GALNTL6: variants seen among roughly 807,000 people sequenced by gnomAD.
GALNTL6 encodes polypeptide N-acetylgalactosaminyltransferase like 6, also known as polypeptide N-acetylgalactosaminyltransferase-like 6.
Under a neutral mutation model 73.7 loss-of-function variants are expected in GALNTL6, and 46 were observed. The observed-to-expected ratio is 0.62, with a 90% CI of 0.49 to 0.80. The LOEUF (loss-of-function observed/expected upper bound fraction) is 0.80. Ranked by LOEUF, GALNTL6 falls within the 30% of genes least tolerant of loss-of-function variation. GALNTL6 has a pLI of 0.00. For missense variants in GALNTL6, 604 were observed against 755.0 expected, an observed-to-expected ratio of 0.80 and a Z score of 2.34; for synonymous variants, 259 against 263.7, an observed-to-expected ratio of 0.98 and a Z score of 0.17.
chr4:172,916,693 A>C (rs141132299), intron 8 of GALNTL6, among the ~76,000 whole-genome samples: 1 of 152,318 alleles, frequency 6.6e-6, no homozygotes, highest in East Asian at 1.9e-4. Context: ...CTTACAAGGG[A>C]TGTGAAGAAC....
chr4:171,952,704 T>C (rs1738920858), intron 2 of GALNTL6, among the ~76,000 whole-genome samples: 1 of 151,986 alleles, frequency 6.6e-6, no homozygotes, highest in South Asian at 2.1e-4. Flanking sequence ...AATTCTAACA[T>C]AGGAGAGCTA....
chr4:171,934,964 C>T (rs1738297432), intron 2 of GALNTL6, among the ~76,000 whole-genome samples: 1 of 152,032 alleles, frequency 6.6e-6, no homozygotes, highest in South Asian at 2.1e-4. Context: ...TCCAATGATC[C>T]CAAACCCTAG....
intron 7 of GALNTL6, among the ~76,000 whole-genome samples, chr4:172,859,314 C>G (rs1196326081): frequency 3.3e-5 from 5 of 152,134 alleles, no homozygotes; most frequent in African/African-American, 9.7e-5. Flanking sequence ...AGGTGACTCT[C>G]TAGCTTCATC....
At chr4:172,540,884 A>C (rs1735528366) in intron 5 of GALNTL6, among the ~76,000 whole-genome samples, 1 of 152,238 alleles carries the variant, frequency 6.6e-6, no homozygotes, top group Non-Finnish European at 1.5e-5. Flanking sequence ...AAGAATAAAC[A>C]GAAAATGTCT....
rs146841091 is a variant in GALNTL6, at chr4:171,847,741, C to T, written c.138+33023C>T. On this transcript the variant is annotated intron_variant, in intron 2 of 12. Transcript: ENST00000506823. ...CTCTGCTCAACTCCTCATCCCTTCA[C>T]GTTTTATCATGAGATTGCACCAACT... Among the ~76,000 whole-genome samples, 514 of 152,294 alleles carry T rather than the reference C, an allele frequency of 3.4e-3. 2 individuals carry two copies. The highest frequency in any genetic ancestry group is 0.017 in the Middle Eastern group (5 of 294).
At chr4:172,618,452 A>G (rs750141020) in intron 5 of GALNTL6, among the ~76,000 whole-genome samples, 14 of 152,184 alleles carry the variant, frequency 9.2e-5, no homozygotes, top group South Asian at 2.1e-4. Context: ...ACACAGCCCA[A>G]TGAATGCCCC....
At chr4:172,812,112 A>G (rs1741343927) in intron 6 of GALNTL6, among the ~76,000 whole-genome samples, 1 of 152,278 alleles carries the variant, frequency 6.6e-6, no homozygotes, top group East Asian at 1.9e-4. Context: ...ATAGACCGAG[A>G]GGGGAAAGTT....
At chr4:172,085,107 A>T (rs1731991763) in intron 2 of GALNTL6, among the ~76,000 whole-genome samples, 1 of 152,190 alleles carries the variant, frequency 6.6e-6, no homozygotes, top group Admixed American at 6.6e-5. Context: ...ATAGGAAAAA[A>T]TCTAAATATA....
chr4:172,670,132 G>A (rs565617923), intron 5 of GALNTL6, among the ~76,000 whole-genome samples: 250 of 152,222 alleles, frequency 1.6e-3, no homozygotes, highest in African/African-American at 5.7e-3. Flanking sequence ...ATGAACATAT[G>A]CGTTCATGTA....
chr4:172,266,422 G>A (rs1442394974), intron 3 of GALNTL6: 1 of 152,032 alleles, frequency 6.6e-6, no homozygotes, highest in Non-Finnish European at 1.5e-5. Flanking sequence ...AGCAGCTGAA[G>A]GTGCAGTTTA....
chr4:172,634,122 A>C (rs765348105), intron 5 of GALNTL6, among the ~76,000 whole-genome samples: 1 of 152,218 alleles, frequency 6.6e-6, no homozygotes, highest in Non-Finnish European at 1.5e-5. Flanking sequence ...ATCTGTTTCC[A>C]ATATGTCCCA....
intron 10 of GALNTL6, among the ~76,000 whole-genome samples, chr4:172,978,863 C>T (rs1409503104): frequency 6.6e-6 from 1 of 152,188 alleles, no homozygotes; most frequent in Non-Finnish European, 1.5e-5. Flanking sequence ...ATTGAATTCC[C>T]AGGCATCTCT....
intron 2 of GALNTL6, among the ~76,000 whole-genome samples, chr4:172,054,515 C>T (rs372883608): frequency 3.9e-5 from 6 of 152,160 alleles, no homozygotes; most frequent in Non-Finnish European, 4.4e-5. Flanking sequence ...GTTCAATATC[C>T]GGTGAAGTCC....
chr4:172,479,316 A>C (rs1412544868), intron 5 of GALNTL6, among the ~76,000 whole-genome samples: 2 of 85,594 alleles, frequency 2.3e-5, no homozygotes, highest in African/African-American at 6.8e-5. Flanking sequence ...GTGTGTATAC[A>C]TACACACACA....
At chr4:171,864,547 T>C (rs998838988) in intron 2 of GALNTL6, among the ~76,000 whole-genome samples, 1 of 152,232 alleles carries the variant, frequency 6.6e-6, no homozygotes, top group African/African-American at 2.4e-5. Context: ...TCTTTCCTGA[T>C]AGTCATACCA....
At chr4:172,130,219 G>C (rs1259393643) in intron 2 of GALNTL6, among the ~76,000 whole-genome samples, 1 of 143,224 alleles carries the variant, frequency 7.0e-6, no homozygotes, top group Non-Finnish European at 1.5e-5. Flanking sequence ...AGATTGTGAT[G>C]GCCTTTGTCC....
At chr4:171,951,140 C>A (rs979110798) in intron 2 of GALNTL6, among the ~76,000 whole-genome samples, 4 of 151,278 alleles carry the variant, frequency 2.6e-5, no homozygotes, top group Admixed American at 2.0e-4. Flanking sequence ...ATGACAGATA[C>A]AATTAAACAT....
At chr4:172,235,159 T>C (rs968081902) in intron 3 of GALNTL6, among the ~76,000 whole-genome samples, 2 of 134 alleles carry the variant, frequency 0.015, no homozygotes, top group South Asian at 0.12. Flanking sequence ...TATTGTTAGT[T>C]TTTTTTTTCT....
At chr4:172,857,999 G>C (rs1744203475) in intron 7 of GALNTL6, among the ~76,000 whole-genome samples, 2 of 152,176 alleles carry the variant, frequency 1.3e-5, no homozygotes, top group South Asian at 4.1e-4. Context: ...CCCTCCTGAA[G>C]AGTTCTAAGC....
Sources: allele counts gnomAD v4.1 joint callset (sites outside exome capture counted in the v4.1 genomes callset), GRCh38; gene constraint gnomAD v4.1.1; transcripts MANE v1.5; gene names NCBI Gene and HGNC (gene_info 2026-07-23, HGNC 2026-07-21).